The following SMURF2 variants were observed in gnomAD, a reference collection of about 807,000 sequenced individuals.
The protein encoded by SMURF2 is SMAD specific E3 ubiquitin protein ligase 2, also known as E3 ubiquitin-protein ligase SMURF2.
A neutral mutation model predicts 109.6 loss-of-function variants in SMURF2; 48 were observed. The ratio of observed to expected loss-of-function variants is 0.44; its 90% CI spans 0.35 to 0.56. The LOEUF (loss-of-function observed/expected upper bound fraction) is 0.56. Ranked by LOEUF, SMURF2 falls within the 20% of genes least tolerant of loss-of-function variation. SMURF2 has a pLI of 0.01. For missense variants in SMURF2, 575 were observed against 909.0 expected (o/e 0.63, Z 4.72); for synonymous variants, 288 against 317.1 (o/e 0.91, Z 0.97).
intron 1 of SMURF2, among the ~76,000 whole-genome samples, chr17:64,651,232 C>T (rs926749931): frequency 6.6e-6 from 1 of 150,512 alleles, no homozygotes; most frequent in African/African-American, 2.5e-5. Flanking sequence ...TATATGCTTA[C>T]ATTTTAATAA....
At chr17:64,626,539 G>A (rs1970271173) in intron 1 of SMURF2, among the ~76,000 whole-genome samples, 2 of 152,100 alleles carry the variant, frequency 1.3e-5, no homozygotes, top group Non-Finnish European at 2.9e-5. Flanking sequence ...GAGGCAGGCG[G>A]ATCATTTGAG....
intron 16 of SMURF2, among the ~76,000 whole-genome samples, chr17:64,551,380 G>A (rs1969043468): frequency 1.3e-5 from 2 of 151,794 alleles, no homozygotes; most frequent in Non-Finnish European, 2.9e-5. Context: ...GAGAGAGAGA[G>A]ACAGATTGTT....
At chr17:64,624,300 C>T (rs1463260923) in intron 1 of SMURF2, among the ~76,000 whole-genome samples, 1 of 151,750 alleles carries the variant, frequency 6.6e-6, no homozygotes, top group Non-Finnish European at 1.5e-5. Context: ...AGTTCAAGAC[C>T]AGCCTGGGCA....
intron 1 of SMURF2, among the ~76,000 whole-genome samples, chr17:64,611,368 T>C (rs1555689569): frequency 6.6e-6 from 1 of 152,114 alleles, no homozygotes; most frequent in African/African-American, 2.4e-5. Flanking sequence ...GATACCTAAA[T>C]TCATAAAACC....
chr17:64,589,392 GT>G (rs782203785), intron 5 of SMURF2, among the ~76,000 whole-genome samples: 305 of 134,800 alleles, frequency 2.3e-3, no homozygotes, highest in East Asian at 4.1e-3. Context: ...TTATTTTTGA[GT>G]TTTTTTTTTT....
Position 64,581,290 on chromosome 17 carries a change from C to A in SMURF2, c.570-299G>T, listed in dbSNP as rs1306178196. Among the ~76,000 whole-genome samples the A allele has an allele frequency of 1.3e-5, 2 of 152,202 alleles. No homozygotes were observed. Among genetic ancestry groups the A allele is most frequent in the Non-Finnish European group, 2.9e-5 (2 of 68,048 alleles). Reference sequence around the variant, plus strand: ...ACTGGCTTACAAAACACTGCTTGATCTAGCTATAGCCTCTCCCTCAGACCT... The same window carrying A: ...ACTGGCTTACAAAACACTGCTTGATATAGCTATAGCCTCTCCCTCAGACCT... On this transcript the variant is annotated intron_variant, in intron 7 of 18. Coordinates refer to ENST00000262435, the MANE Select transcript of SMURF2 (RefSeq NM_022739.4). The surrounding 1 kb of genome is among the most constrained non-coding windows in gnomAD (Gnocchi z 4.3).
intron 6 of SMURF2, among the ~76,000 whole-genome samples, chr17:64,584,684 ACCATAATTAATTTAATGAAAAAGAG>A: frequency 6.6e-6 from 1 of 152,248 alleles, no homozygotes; most frequent in East Asian, 1.9e-4. Context: ...TCAACTCTTT[ACCATAATTAATTTAATGAAAAAGAG>A]CCAAATGACT....
intron 4 of SMURF2, chr17:64,593,109 C>A (rs1555687803): frequency 1.3e-5 from 2 of 153,822 alleles, no homozygotes; most frequent in African/African-American, 4.8e-5. Flanking sequence ...TTTATTTTTG[C>A]CATTCTGGAT....
chr17:64,607,077 T>C (rs1306818230), intron 1 of SMURF2, among the ~76,000 whole-genome samples: 3 of 151,550 alleles, frequency 2.0e-5, no homozygotes, highest in African/African-American at 4.8e-5. Context: ...TTTTCTTTTT[T>C]TTTTTTTTTA....
intron 1 of SMURF2, among the ~76,000 whole-genome samples, chr17:64,616,990 A>G (rs991438796): frequency 2.7e-5 from 4 of 149,274 alleles, no homozygotes; most frequent in Non-Finnish European, 5.9e-5. Flanking sequence ...CTAAGGTGGA[A>G]GAATCACCTG....
chr17:64,562,281 G>A (rs1434221688), intron 11 of SMURF2, among the ~76,000 whole-genome samples: 1 of 72,630 alleles, frequency 1.4e-5, no homozygotes, highest in Non-Finnish European at 2.3e-5. Flanking sequence ...GACAGACTCC[G>A]TCTCAAAAAA....
At chr17:64,562,312 AAG>A (rs1286113740) in intron 11 of SMURF2, among the ~76,000 whole-genome samples, 7 of 148,416 alleles carry the variant, frequency 4.7e-5, no homozygotes, top group South Asian at 2.1e-4. Flanking sequence ...AAAAAAAAAA[AAG>A]AGAGAGAGAG....
chr17:64,578,963 C>A (rs1408591762), intron 8 of SMURF2, among the ~76,000 whole-genome samples: 1 of 152,166 alleles, frequency 6.6e-6, no homozygotes, highest in African/African-American at 2.4e-5. Context: ...TTCAAAGAGT[C>A]TGGAGGTTGA....
At chr17:64,576,050 CA>C (rs797027021) in intron 9 of SMURF2, among the ~76,000 whole-genome samples, 9 of 151,882 alleles carry the variant, frequency 5.9e-5, no homozygotes, top group African/African-American at 2.2e-4. Context: ...ACTAAAAATA[CA>C]AAAATTAGCG....
rs533837878 is a variant in SMURF2 at position 64,633,572 on chromosome 17, T to C, written c.53-26932A>G. ...AACCATTAAATATGTCATATTCACTTTGTTGCAAGTTTAAATTCCAGGATT... is the reference window on the plus strand; with the variant it reads ...AACCATTAAATATGTCATATTCACTCTGTTGCAAGTTTAAATTCCAGGATT... On this transcript the variant is annotated intron_variant, in intron 1 of 18. Transcript: ENST00000262435. 7.9e-5 allele frequency among the ~76,000 whole-genome samples: 12 copies of C among 152,360 alleles called. No homozygotes were observed. In the South Asian group the frequency reaches 2.5e-3, roughly 32 times the overall value.
intron 16 of SMURF2, among the ~76,000 whole-genome samples, chr17:64,549,044 G>T (rs907259512): frequency 1.3e-4 from 20 of 152,012 alleles, no homozygotes; most frequent in African/African-American, 4.6e-4. Flanking sequence ...AGCACTTTGG[G>T]AGGACGAGGC....
intron 10 of SMURF2, among the ~76,000 whole-genome samples, chr17:64,566,572 T>TTTTTTTTTTTTG (rs1568176812): frequency 7.4e-5 from 7 of 94,052 alleles, no homozygotes; most frequent in East Asian, 3.4e-4. Flanking sequence ...TTTTTTTTTT[T>TTTTTTTTTTTTG]TTTTTTTTTT....
At chr17:64,637,586 C>T (rs1489338042) in intron 1 of SMURF2, among the ~76,000 whole-genome samples, 2 of 151,970 alleles carry the variant, frequency 1.3e-5, no homozygotes, top group African/African-American at 2.4e-5. Context: ...TTTCTTGAGA[C>T]GGAGTCTCAT....
intron 1 of SMURF2, among the ~76,000 whole-genome samples, chr17:64,640,081 T>G (rs141371240): frequency 6.6e-6 from 1 of 152,326 alleles, no homozygotes; most frequent in East Asian, 1.9e-4. Context: ...GATCTTTAGA[T>G]TTACAGATTT....
Sources: gnomAD v4.1 joint callset for allele counts (sites outside exome capture counted in the v4.1 genomes callset) on GRCh38, gnomAD v4.1.1 for gene constraint, Gnocchi (gnomAD v3.1) non-coding constraint, MANE v1.5 for transcripts, NCBI Gene and HGNC (gene_info 2026-07-23, HGNC 2026-07-21) for gene names.